Variants in VPS13D observed in about 807,000 individuals in gnomAD.
VPS13D encodes vacuolar protein sorting 13 homolog D, also known as intermembrane lipid transfer protein VPS13D.
Under a neutral mutation model 461.9 loss-of-function variants are expected in VPS13D, and 187 were observed. That is an observed-to-expected ratio of 0.40 (90% CI 0.36 to 0.46). The LOEUF is 0.46. Ranked by LOEUF, VPS13D falls within the 20% of genes least tolerant of loss-of-function variation. The probability of loss-of-function intolerance (pLI) is 0.60; values close to 1 mark genes in which losing one functional copy is unlikely to be tolerated. For synonymous variants in VPS13D, 1,951 were observed against 1,986.3 expected (o/e 0.98, Z 0.47); for missense variants, 4,711 against 5,364.9 (o/e 0.88, Z 3.81).
Position 12,259,825 on chromosome 1 carries a change from A to G in VPS13D, c.1111-868A>G, listed in dbSNP as rs569536495. On this transcript the variant is annotated intron_variant, in intron 10 of 69. Transcript: ENST00000620676. ...AAGTGAAAATGACCACGTTCTTGCT[A>G]ATCTCCTACATGAAGTATAAAAGAG... Among the ~76,000 whole-genome samples, 20 of 152,236 alleles carry G rather than the reference A, an allele frequency of 1.3e-4. No individual in the cohort carries two copies. In the South Asian group the frequency reaches 3.3e-3, roughly 25 times the overall value.
chr1:12,381,980 T>TTCTC (rs34633201), intron 57 of VPS13D, among the ~76,000 whole-genome samples: 701 of 130,944 alleles, frequency 5.4e-3, no homozygotes, highest in Middle Eastern at 7.2e-3. Flanking sequence ...CTTTCTTTCT[T>TTCTC]TCTCTCTCTC....
chr1:12,358,424 A>T, intron 49 of VPS13D, 35 bp from the exon 50 acceptor site: 2 of 1,611,144 alleles, frequency 1.2e-6, no homozygotes, highest in Non-Finnish European at 1.7e-6. Context: ...TTTCTTGTGG[A>T]TGAATATCTA....
Position 12,273,003 on chromosome 1 carries a change from G to A in VPS13D, c.2104G>A (p.Glu702Lys), listed in dbSNP as rs1464470127. ...GTTAATGACTGTTTTATTTGTACAG[G>A]AGGAGAGTAAACGATGGACCGTGCG... ...LDRLLVGDFI[E>K]ESKRWTVRLD... Residue 702 changes from glutamate (E) to lysine (K), a missense_variant and splice_region_variant, in exon 18 of 70, where the codon GAG becomes AAG. Around this residue, in one of 3 missense-constraint regions of VPS13D, gnomAD observed 4,411 missense variants for 4,937.8 expected, o/e 0.89. Coordinates refer to ENST00000620676, the MANE Select transcript of VPS13D (RefSeq NM_015378.4). 1.9e-6 allele frequency: 3 copies of A among 1,613,920 alleles called. No individual in the cohort carries two copies. The South Asian group carries it at 3.3e-5, about 18-fold the overall frequency.
chr1:12,276,090 T>C lies in VPS13D; in HGVS notation c.2502T>C (p.Asn834=), dbSNP rs7546794. The change falls in exon 19 of 70, where the codon AAT becomes AAC. Residue 834 remains asparagine, a synonymous_variant. Coordinates refer to ENST00000620676, the MANE Select transcript of VPS13D (RefSeq NM_015378.4). The surrounding 1 kb of genome is among the most constrained non-coding windows in gnomAD (Gnocchi z 4.5). The part of the protein sequence containing the change: ...LQIMVGRVKD[N]WKHVQDIDVG... ...TCATGGTTGGACGAGTGAAAGACAATTGGAAGCATGTCCAGGATATTGACG... is the reference window on the plus strand; with the variant it reads ...TCATGGTTGGACGAGTGAAAGACAACTGGAAGCATGTCCAGGATATTGACG... The C allele has an allele frequency of 0.018, 29,707 of 1,613,986 alleles. 433 individuals carry two copies. Among genetic ancestry groups the C allele is most frequent in the African/African-American group, 0.08 (5,974 of 74,960 alleles).
intron 63 of VPS13D, among the ~76,000 whole-genome samples, chr1:12,413,201 G>A (rs1034168746): frequency 4.0e-5 from 6 of 151,814 alleles, no homozygotes; most frequent in Non-Finnish European, 8.8e-5. Flanking sequence ...GTTTTTGGTC[G>A]TTGTTTGTTT....
rs141656598 is a variant in VPS13D, at chr1:12,427,742, A to G, written c.12333+10915A>G. On this transcript the variant is annotated intron_variant, in intron 65 of 69. Transcript: ENST00000620676. ...CTGCATGTCCAGGAACCAGTTCCCA[A>G]TGGATACTGAGGGACAGCTGTACTT... Among the ~76,000 whole-genome samples, 251 of 152,282 alleles carry G rather than the reference A, an allele frequency of 1.6e-3. 2 individuals are homozygous for G. The highest frequency in any genetic ancestry group is 3.2e-3 in the Non-Finnish European group (218 of 68,012).
At chr1:12,391,554 G>A (rs762786937) in intron 60 of VPS13D, among the ~76,000 whole-genome samples, 1 of 152,152 alleles carries the variant, frequency 6.6e-6, no homozygotes, top group African/African-American at 2.4e-5. Context: ...GGCTAGATGG[G>A]TGGGTCAGAA....
chr1:12,378,328 A>G (rs1367892534), intron 55 of VPS13D, 100 bp from the exon 56 acceptor site: 1 of 1,121,446 alleles, frequency 8.9e-7, no homozygotes, highest in Admixed American at 3.0e-5. Flanking sequence ...AACTTCCTAT[A>G]TGAGAACTTA....
chr1:12,267,600 A>T (rs1477525939), intron 14 of VPS13D, among the ~76,000 whole-genome samples: 1 of 152,150 alleles, frequency 6.6e-6, no homozygotes, highest in Non-Finnish European at 1.5e-5. Flanking sequence ...TTCATTTAGC[A>T]ACTGTTCATT....
At chr1:12,308,342 GA>G (rs762590602) in intron 26 of VPS13D, 88 bp from the exon 27 acceptor site, 93 of 1,382,812 alleles carry the variant, frequency 6.7e-5, no homozygotes, top group Non-Finnish European at 8.9e-5. Context: ...TTCAAAGACA[GA>G]ATGAGCTTTG....
At position 12,282,975 on chromosome 1, in the gene VPS13D, T is replaced by G. The variant is rs1283692009; in HGVS notation, c.4873T>G (p.Ser1625Ala). 9.9e-6 allele frequency: 16 copies of G among 1,614,062 alleles called. No homozygotes were observed. The highest frequency in any genetic ancestry group is 1.7e-5 in the Admixed American group (1 of 60,004). ...TCAGATTCAAGCCACCTTTTGTATA[T>G]CAGAGCTTCAGGTTCAGCTAAGTGG... The part of the protein sequence containing the change: ...FTQIQATFCI[S>A]ELQVQLSGDL... The change falls in exon 21 of 70, where the codon TCA becomes GCA. Residue 1625 changes from serine (S) to alanine (A), a missense_variant. Ser to Ala is a moderately conservative substitution (Grantham distance 99, BLOSUM62 1). Around this residue, in one of 3 missense-constraint regions of VPS13D, gnomAD observed 4,411 missense variants for 4,937.8 expected, o/e 0.89. Transcript: ENST00000620676.
At chr1:12,262,132 T>G (rs769342746) in intron 13 of VPS13D, 52 bp downstream of exon 13, 1 of 1,546,554 alleles carries the variant, frequency 6.5e-7, no homozygotes. Context: ...TGTGGGCCAA[T>G]GTCCAGGCGA....
At chr1:12,482,058 T>C (rs1400889220) in intron 67 of VPS13D, among the ~76,000 whole-genome samples, 2 of 152,198 alleles carry the variant, frequency 1.3e-5, no homozygotes, top group Non-Finnish European at 2.9e-5. Flanking sequence ...GCCTTCCTGC[T>C]GTTCAGGGTC....
At chr1:12,351,660 T>C (rs1190158777) in intron 46 of VPS13D, among the ~76,000 whole-genome samples, 5 of 151,530 alleles carry the variant, frequency 3.3e-5, no homozygotes, top group African/African-American at 1.2e-4. Context: ...GGTGTGATCT[T>C]GGCTCACTGC....
chr1:12,378,667 T>A, intron 56 of VPS13D, 76 bp downstream of exon 56: 1 of 1,371,620 alleles, frequency 7.3e-7, no homozygotes, highest in Non-Finnish European at 9.6e-7. Flanking sequence ...CAACAAAAAC[T>A]AAGAGTTCTA....
At chr1:12,412,356 C>G (rs1489980802) in intron 63 of VPS13D, among the ~76,000 whole-genome samples, 1 of 152,052 alleles carries the variant, frequency 6.6e-6, no homozygotes, top group East Asian at 1.9e-4. Context: ...CTAAGGTAAC[C>G]CTGGAGAAAA....
At chr1:12,255,310 A>G (rs1197648973) in intron 7 of VPS13D, among the ~76,000 whole-genome samples, 1 of 152,250 alleles carries the variant, frequency 6.6e-6, no homozygotes, top group Non-Finnish European at 1.5e-5. Flanking sequence ...GCAGCTATAA[A>G]TAATAAAGGT....
chr1:12,342,492 T>G (rs1441937347), intron 41 of VPS13D, among the ~76,000 whole-genome samples: 5 of 152,192 alleles, frequency 3.3e-5, no homozygotes, highest in Non-Finnish European at 7.3e-5. Flanking sequence ...AGTAACAGAA[T>G]CCATTGATTT....
chr1:12,363,012 G>T, intron 51 of VPS13D, 60 bp from the exon 52 acceptor site: 1 of 1,598,532 alleles, frequency 6.3e-7, no homozygotes, highest in Non-Finnish European at 8.5e-7. Context: ...TAGGTACTCA[G>T]TAACACTTAT....
Sources: allele counts gnomAD v4.1 joint callset (sites outside exome capture counted in the v4.1 genomes callset), GRCh38; gene constraint gnomAD v4.1.1; regional missense constraint gnomAD v4.1.1; non-coding constraint Gnocchi (gnomAD v3.1); transcripts MANE v1.5; gene names NCBI Gene and HGNC (gene_info 2026-07-23, HGNC 2026-07-21).